ADAR: variants seen among roughly 807,000 people sequenced by gnomAD.
ADAR encodes adenosine deaminase RNA specific, also known as double-stranded RNA-specific adenosine deaminase.
ADAR carries 41 observed loss-of-function variants against 113.2 expected under a neutral mutation model. The observed-to-expected ratio is 0.36, with a 90% CI of 0.28 to 0.47. The LOEUF (loss-of-function observed/expected upper bound fraction) is 0.47. Among genes scored for constraint, ADAR ranks in the 20% least tolerant of loss-of-function variants. The probability of loss-of-function intolerance (pLI) is 1.00; values close to 1 mark genes in which losing one functional copy is unlikely to be tolerated. For missense variants in ADAR, 1,242 were observed against 1,540.9 expected, an observed-to-expected ratio of 0.81 and a Z score of 3.25; for synonymous variants, 605 against 572.6, an observed-to-expected ratio of 1.06 and a Z score of -0.81.
At chr1:154,615,244 G>A (rs1471820196) in intron 1 of ADAR, among the ~76,000 whole-genome samples, 2 of 152,120 alleles carry the variant, frequency 1.3e-5, no homozygotes, top group Non-Finnish European at 2.9e-5. Flanking sequence ...AGACAGCCAC[G>A]GGAAACTACT....
chr1:154,627,913 G>GCCCCCCCCCCCCCCCC, exon 1 of ADAR: 3 of 517,170 alleles, frequency 5.8e-6, no homozygotes, highest in Non-Finnish European at 7.7e-6. Context: ...GTGCGGCCGC[G>GCCCCCCCCCCCCCCCC]ACCCTCCCCC....
Position 154,597,895 on chromosome 1 carries a change from T to A in ADAR, c.1867A>T (p.Met623Leu). Residue 623 changes from methionine to leucine, a missense_variant, in exon 4 of 15, where the codon ATG (methionine) becomes TTG (leucine). Around this residue, in one of 2 missense-constraint regions of ADAR, gnomAD observed 780 missense variants for 1,057.9 expected, o/e 0.74. Transcript: ENST00000368474. ...TCGCAGGAGTTCCCCAATTTGTGCA[T>A]ACACTCAAGCAGTGTGGTGACGGGG... is the stretch of plus-strand genomic sequence containing the variant. The part of the protein sequence containing the change: ...KSPVTTLLEC[M>L]HKLGNSCEFR... 2 of 1,614,144 alleles carry A rather than the reference T, an allele frequency of 1.2e-6. No individual in the cohort carries two copies. Among genetic ancestry groups the A allele is most frequent in the Non-Finnish European group, 1.7e-6 (2 of 1,180,016 alleles).
rs1225707553 is a variant in ADAR at position 154,601,369 on chromosome 1, C to T, written c.1273G>A (p.Ala425Thr). Residue 425 changes from alanine (A) to threonine (T), a missense_variant, in exon 2 of 15, where the codon GCC becomes ACC. Physicochemically the swap from Ala to Thr is moderately conservative, Grantham distance 58. Transcript: ENST00000368474. This position sits in a 1 kb window ranked among gnomAD's most constrained non-coding sequence, Gnocchi z 4.7. ...PVIKLENRQE[A>T]RPEPARLKPP... ...TTCAGTCTTGCTGGTTCTGGTCTGGCCTCTTGCCTGTTTTCTAACTTTATG... is the reference window on the plus strand; with the variant it reads ...TTCAGTCTTGCTGGTTCTGGTCTGGTCTCTTGCCTGTTTTCTAACTTTATG... The T allele has an allele frequency of 6.2e-7, 1 of 1,614,220 alleles. No homozygotes were observed. The highest frequency in any genetic ancestry group is 1.1e-5 in the South Asian group (1 of 91,086).
rs1698815745 is a variant in ADAR, at chr1:154,622,470, A to G, written c.-871+5385T>C. ...GTGAGTTGCTATTTATAAAGGACTA[A>G]GAACAGTGCCTGTCACCTTGTAAGT... On this transcript the variant is annotated intron_variant, in intron 1 of 14. Transcript: ENST00000368471. Among the ~76,000 whole-genome samples, 3 of 152,260 alleles carry G rather than the reference A, an allele frequency of 2.0e-5. No individual in the cohort carries two copies. The South Asian group carries it at 6.2e-4, about 31-fold the overall frequency.
rs573624023 is a variant in ADAR at position 154,600,893 on chromosome 1, A to T, written c.1601+148T>A. On this transcript the variant is annotated intron_variant, in intron 2 of 14. Transcript: ENST00000368474. ...CTGCTCAATATCTGGAGAAAGGGCC[A>T]ATCAAGGGGAATTTAGCTAAAAGGC... 4.1e-5 allele frequency: 46 copies of T among 1,119,752 alleles called. No homozygotes were observed. The South Asian group carries it at 5.8e-4, about 14-fold the overall frequency. 69.4% of individuals were successfully genotyped at this position (1,119,752 alleles called of 1,614,324 possible). A position where few individuals can be genotyped will look rare whatever the true frequency, so the allele number is the denominator to read the frequency against.
intron 9 of ADAR, among the ~76,000 whole-genome samples, 200 bp downstream of exon 9, chr1:154,589,169 G>C (rs1376634913): frequency 1.3e-5 from 2 of 152,220 alleles, no homozygotes; most frequent in African/African-American, 2.4e-5. Flanking sequence ...AGGCCGAGCA[G>C]TGGGAGGCAG....
At chr1:154,593,135 C>CAAAAAAAA (rs66567439) in intron 6 of ADAR, among the ~76,000 whole-genome samples, 2 of 74,658 alleles carry the variant, frequency 2.7e-5, no homozygotes, top group Non-Finnish European at 4.7e-5. Context: ...ACTCCATCTC[C>CAAAAAAAA]AAAAAAAAAA....
intron 1 of ADAR, among the ~76,000 whole-genome samples, chr1:154,614,249 C>T (rs1045617076): frequency 2.6e-5 from 4 of 152,254 alleles, no homozygotes; most frequent in African/African-American, 9.6e-5. Flanking sequence ...TATATTCTGA[C>T]ACCCTTAAGC....
At chr1:154,620,119 G>A (rs1032760637) in intron 1 of ADAR, among the ~76,000 whole-genome samples, 1 of 152,202 alleles carries the variant, frequency 6.6e-6, no homozygotes, top group African/African-American at 2.4e-5. Context: ...ACTTAAAAAT[G>A]GTTTACGGGC....
Position 154,587,991 on chromosome 1 carries a change from T to C in ADAR, c.3019+134A>G, listed in dbSNP as rs1404001636. On this transcript the variant is annotated intron_variant, in intron 11 of 14. Coordinates refer to ENST00000368474, the MANE Select transcript of ADAR (RefSeq NM_001111.5). ...TTACCACACAGCTCCCTGACCCAGG[T>C]CTTCCCTTTCCTGTAAACAGCACCT... The C allele has an allele frequency of 5.8e-6, 8 of 1,378,400 alleles. No individual in the cohort carries two copies. In the African/African-American group the frequency reaches 7.1e-5, roughly 12 times the overall value. The allele number at this position is 1,378,400 out of a possible 1,614,324, so 85.4% of individuals were successfully genotyped here. A position where few individuals can be genotyped will look rare whatever the true frequency, so the allele number is the denominator to read the frequency against.
chr1:154,618,426 A>G (rs1698694525), intron 1 of ADAR, among the ~76,000 whole-genome samples: 1 of 152,226 alleles, frequency 6.6e-6, no homozygotes, highest in Admixed American at 6.5e-5. Context: ...GATACCTGAC[A>G]AAATGATTAC....
intron 1 of ADAR, among the ~76,000 whole-genome samples, chr1:154,603,631 C>A (rs193228841): frequency 6.6e-6 from 1 of 152,104 alleles, no homozygotes. Context: ...TGACCCCTTT[C>A]CCCACCCACC....
chr1:154,612,572 C>T (rs925225045), upstream of ADAR, among the ~76,000 whole-genome samples: 4 of 151,782 alleles, frequency 2.6e-5, no homozygotes, highest in Non-Finnish European at 4.4e-5. Context: ...CGTCATCTGC[C>T]GGTCTTGGCC....
rs763106489 is a variant in ADAR at position 154,602,322 on chromosome 1, C to T, written c.320G>A (p.Gly107Glu). The part of the protein sequence containing the change: ...VHLRSQGLQR[G>E]FQHPSPRGRS... ...GCCACGTGGTGAAGGATGCTGGAAC[C>T]CTCTCTGGAGCCCCTGACTTCTGAG... The change falls in exon 2 of 15, where the codon GGG becomes GAG. Residue 107 changes from glycine (G) to glutamate (E), a missense_variant. Around this residue, in one of 2 missense-constraint regions of ADAR, gnomAD observed 462 missense variants for 483.1 expected, o/e 0.96. Transcript: ENST00000368474. 7 of 1,612,816 alleles carry T rather than the reference C, an allele frequency of 4.3e-6. No individual in the cohort carries two copies. Among genetic ancestry groups the T allele is most frequent in the Non-Finnish European group, 5.9e-6 (7 of 1,179,272 alleles).
At position 154,608,118 on chromosome 1, in the gene ADAR, A is replaced by C; in HGVS notation, c.-112T>G. 1 of 1,372,396 alleles carries C rather than the reference A, an allele frequency of 7.3e-7. No homozygotes were observed. Among genetic ancestry groups the C allele is most frequent in the Non-Finnish European group, 9.6e-7 (1 of 1,046,022 alleles). 85.0% of individuals were successfully genotyped at this position (1,372,396 alleles called of 1,614,324 possible). ...CACGCCTCCGCTACTCCGCACTGGA[A>C]GTGGCCCCGGGGCGTCGGCACGGGA... is the stretch of plus-strand genomic sequence containing the variant. On this transcript the variant is annotated 5_prime_UTR_variant, in exon 1 of 15. Coordinates refer to ENST00000368474, the MANE Select transcript of ADAR (RefSeq NM_001111.5).
chr1:154,597,168 C>A lies in ADAR; in HGVS notation c.2034G>T (p.Lys678Asn). Reference protein sequence around the residue: ...AKQMAAEEAMKALHGEATNSM... With the variant: ...AKQMAAEEAMNALHGEATNSM... Reference sequence around the variant, plus strand: ...AGTTGGTCGCCTCCCCATGCAGGGCCTTCATGGCTTCCTCTGCGGCCATCT... The same window carrying A: ...AGTTGGTCGCCTCCCCATGCAGGGCATTCATGGCTTCCTCTGCGGCCATCT... The change falls in exon 5 of 15, where the codon AAG becomes AAT. Residue 678 changes from lysine to asparagine, a missense_variant. By Grantham distance (94) the Lys-to-Asn change is moderately conservative (BLOSUM62 0). Transcript: ENST00000368474. 1 of 1,614,216 alleles carries A rather than the reference C, an allele frequency of 6.2e-7. No homozygotes were observed. Among genetic ancestry groups the A allele is most frequent in the Non-Finnish European group, 8.5e-7 (1 of 1,180,032 alleles).
intron 7 of ADAR, 21 bp downstream of exon 7, chr1:154,590,163 A>G: frequency 1.1e-6 from 1 of 899,906 alleles, no homozygotes; most frequent in Non-Finnish European, 1.7e-6. Flanking sequence ...CAAAAAAGGC[A>G]CCAAAAGTAG....
chr1:154,612,318 G>GTTT (rs55714254), upstream of ADAR, among the ~76,000 whole-genome samples: 329 of 69,206 alleles, frequency 4.8e-3, 58 homozygotes, highest in African/African-American at 0.014. Flanking sequence ...AAATTACTCA[G>GTTT]TTTTTTTTTT....
chr1:154,599,549 G>A (rs1017669384), intron 2 of ADAR, among the ~76,000 whole-genome samples: 2 of 152,212 alleles, frequency 1.3e-5, no homozygotes, highest in African/African-American at 2.4e-5. Context: ...TGCCAAATTG[G>A]TGTCATGAAG....
Sources: allele counts gnomAD v4.1 joint callset (sites outside exome capture counted in the v4.1 genomes callset), GRCh38; gene constraint gnomAD v4.1.1; regional missense constraint gnomAD v4.1.1; non-coding constraint Gnocchi (gnomAD v3.1); transcripts MANE v1.5; gene names NCBI Gene and HGNC (gene_info 2026-07-23, HGNC 2026-07-21).